Variants in CENPI observed in about 807,000 individuals in gnomAD.
CENPI encodes the protein centromere protein I, also known as FSH primary response 1.
A neutral mutation model predicts 60.4 loss-of-function variants in CENPI; 4 were observed. That is an observed-to-expected ratio of 0.07 (90% CI 0.03 to 0.15). The LOEUF is 0.15. Among genes scored for constraint, CENPI ranks in the 10% least tolerant of loss-of-function variants. The pLI is 1.00. For missense variants in CENPI, 444 were observed against 534.5 expected, an observed-to-expected ratio of 0.83 and a Z score of 1.67; for synonymous variants, 157 against 189.4, an observed-to-expected ratio of 0.83 and a Z score of 1.40.
At chrX:101,176,324 G>A in the CENPI span, among the ~76,000 whole-genome samples, 71 of 110,342 alleles carry the variant, frequency 6.4e-4, no homozygotes, top group Non-Finnish European at 6.3e-4. Context: ...TGGAACATAT[G>A]GTAGTTCTAT....
At chrX:101,151,717 C>T (rs1212698821) in intron 20 of CENPI, among the ~76,000 whole-genome samples, 1 of 108,374 alleles carries the variant, frequency 9.2e-6, no homozygotes, top group African/African-American at 3.4e-5. Context: ...GCCTGTAGTC[C>T]CAGCTACTCA....
intron 4 of CENPI, among the ~76,000 whole-genome samples, chrX:101,104,082 T>C (rs1310255116): frequency 9.0e-6 from 1 of 111,475 alleles, no homozygotes; most frequent in Non-Finnish European, 1.9e-5. Context: ...CAAGCGATTC[T>C]CCTGCCTCAG....
rs188295518 is a variant in CENPI at position 101,122,614 on chromosome X, A to G, written c.687+1830A>G. ...TCTTAGTACCCAGGTGCAGTGGCTC[A>G]CACCTGTAATCCCAGCACTTTGGGA... On this transcript the variant is annotated intron_variant, in intron 8 of 21. Coordinates refer to ENST00000682095, the MANE Select transcript of CENPI (RefSeq NM_001386188.2). Among the ~76,000 whole-genome samples, 536 of 111,624 alleles carry G rather than the reference A, an allele frequency of 4.8e-3. 5 individuals carry two copies. The highest frequency in any genetic ancestry group is 0.016 in the African/African-American group (489 of 30,770).
At chrX:101,153,299 CTT>C (rs763357036) in intron 20 of CENPI, among the ~76,000 whole-genome samples, 9 of 98,781 alleles carry the variant, frequency 9.1e-5, no homozygotes, top group African/African-American at 2.3e-4. Context: ...ATTTCTTGTT[CTT>C]TTTTTTTTTT....
At chrX:101,102,180 C>A in intron 3 of CENPI, 94 bp from the exon 4 acceptor site, 1 of 682,161 alleles carries the variant, frequency 1.5e-6, no homozygotes, top group Non-Finnish European at 2.1e-6. Flanking sequence ...GGTTATTAAG[C>A]TATTCCTTTA....
Position 101,162,915 on chromosome X carries a change from A to G in CENPI, c.2219A>G (p.His740Arg). Residue 740 changes from histidine to arginine, a missense_variant, in exon 22 of 22, where the codon CAT becomes CGT. Physicochemically the swap from His to Arg is conservative, Grantham distance 29. Coordinates refer to ENST00000682095, the MANE Select transcript of CENPI (RefSeq NM_001386188.2). ...GLKLFIRSSVHHSSIPRAEGI... is the reference protein window; with the variant it reads ...GLKLFIRSSVRHSSIPRAEGI... ...AAACTTTTTATAAGAAGTAGTGTTC[A>G]TCATTCTTCCATTCCCAGAGCAGAG... 8.3e-7 allele frequency: 1 copy of G among 1,208,696 alleles called. No homozygotes were observed. Among genetic ancestry groups the G allele is most frequent in the Non-Finnish European group, 1.1e-6 (1 of 893,259 alleles).
At chrX:101,132,579 G>C in intron 15 of CENPI, 123 bp downstream of exon 15, 2 of 555,103 alleles carry the variant, frequency 3.6e-6, no homozygotes, top group Non-Finnish European at 2.9e-6. Context: ...CCTGGGCTTT[G>C]AGGTACTGCA....
At chrX:101,114,161 G>T (rs1264114351) in intron 6 of CENPI, among the ~76,000 whole-genome samples, 1 of 111,966 alleles carries the variant, frequency 8.9e-6, no homozygotes, top group Non-Finnish European at 1.9e-5. Flanking sequence ...GGAGGCTGAG[G>T]CAGGAGAATC....
intron 20 of CENPI, among the ~76,000 whole-genome samples, chrX:101,160,328 T>C (rs1214422946): frequency 1.8e-5 from 2 of 110,070 alleles, no homozygotes; most frequent in African/African-American, 6.6e-5. Flanking sequence ...GAGCCAAAAG[T>C]AGTTAGCTTT....
chrX:101,162,803 T>A (rs751562240), intron 21 of CENPI, 30 bp from the exon 22 acceptor site: 2 of 1,200,795 alleles, frequency 1.7e-6, no homozygotes, highest in Admixed American at 2.2e-5. Context: ...AAATATTCGA[T>A]AAGTAATTTT....
chrX:101,140,199 A>C (rs1195199639), intron 15 of CENPI, among the ~76,000 whole-genome samples: 1 of 111,904 alleles, frequency 8.9e-6, no homozygotes, highest in Non-Finnish European at 1.9e-5. Flanking sequence ...TGAGAAAAGA[A>C]AGACTAGAAT....
chrX:101,128,355 G>A (rs2089758271), intron 11 of CENPI, among the ~76,000 whole-genome samples: 1 of 109,243 alleles, frequency 9.2e-6, no homozygotes, highest in African/African-American at 3.3e-5. Flanking sequence ...AAAATTAACC[G>A]GGCTTGGTGG....
rs1288123735 is a variant in CENPI at position 101,156,020 on chromosome X, C to CT, written c.2095-5499dup. On this transcript the variant is annotated intron_variant, in intron 20 of 21. Transcript: ENST00000682095. ...TAATAACTTATCCTCTTTTTTTTTT[C>CT]TTTTTTTTTGAGACAGAGTTTCACT... Among the ~76,000 whole-genome samples the CT allele has an allele frequency of 9.1e-5, 8 of 87,744 alleles. No homozygotes were observed. The East Asian group carries it at 1.9e-3, about 21-fold the overall frequency. The allele number at this position is 87,744 out of a possible 115,157, so 76.2% of individuals were successfully genotyped here. A position where few individuals can be genotyped will look rare whatever the true frequency, so the allele number is the denominator to read the frequency against.
chrX:101,139,349 C>A (rs1331841364), intron 15 of CENPI, among the ~76,000 whole-genome samples: 3 of 110,662 alleles, frequency 2.7e-5, no homozygotes, highest in African/African-American at 9.9e-5. Flanking sequence ...CCCTTCTCGG[C>A]CTCCCAAAGT....
the CENPI span, among the ~76,000 whole-genome samples, chrX:101,173,681 C>T: frequency 9.1e-6 from 1 of 110,442 alleles, no homozygotes; most frequent in East Asian, 2.8e-4. Flanking sequence ...TCTATGCACA[C>T]GAACAAGAAA....
chrX:101,128,223 A>G (rs967486701), intron 11 of CENPI, among the ~76,000 whole-genome samples: 2 of 111,550 alleles, frequency 1.8e-5, no homozygotes, highest in African/African-American at 6.5e-5. Flanking sequence ...AATCCCAGCC[A>G]TTTGGGAGGC....
intron 15 of CENPI, among the ~76,000 whole-genome samples, chrX:101,139,085 G>A (rs982791727): frequency 5.9e-5 from 5 of 84,218 alleles, no homozygotes; most frequent in African/African-American, 9.7e-5. Flanking sequence ...CACCGCGCCC[G>A]ACCTTTTTTT....
rs1266563133 is a variant in CENPI, at chrX:101,109,157, C to T, written c.365-316C>T. On this transcript the variant is annotated intron_variant, in intron 4 of 21. Transcript: ENST00000682095. Reference sequence around the variant, plus strand: ...AGTGCATGGCGTGATCTTGGCTCACCGCAACCTCTGCCTCCTGGGTTCAAG... The same window carrying T: ...AGTGCATGGCGTGATCTTGGCTCACTGCAACCTCTGCCTCCTGGGTTCAAG... Among the ~76,000 whole-genome samples the T allele has an allele frequency of 4.0e-5, 4 of 100,509 alleles. No individual in the cohort carries two copies. In the East Asian group the frequency reaches 9.4e-4, roughly 24 times the overall value. The allele number at this position is 100,509 out of a possible 115,157, so 87.3% of individuals were successfully genotyped here.
chrX:101,176,909 T>C, the CENPI span, among the ~76,000 whole-genome samples: 2 of 112,493 alleles, frequency 1.8e-5, no homozygotes, highest in African/African-American at 6.5e-5. Flanking sequence ...TATATGGTGA[T>C]GTTTGTGATT....
Sources: allele counts gnomAD v4.1 joint callset (sites outside exome capture counted in the v4.1 genomes callset), GRCh38; gene constraint gnomAD v4.1.1; transcripts MANE v1.5; gene names NCBI Gene and HGNC (gene_info 2026-07-23, HGNC 2026-07-21).